SNRPN: variants seen among roughly 807,000 people sequenced by gnomAD.
SNRPN encodes small nuclear ribonucleoprotein-associated protein N.
Under a neutral mutation model 25.2 loss-of-function variants are expected in SNRPN, and 7 were observed. The observed-to-expected ratio is 0.28, with a 90% CI of 0.16 to 0.52. The LOEUF is 0.52. Ranked by LOEUF, SNRPN falls within the 20% of genes least tolerant of loss-of-function variation. The pLI is 0.96. For missense variants in SNRPN, 196 were observed against 322.5 expected, an observed-to-expected ratio of 0.61 and a Z score of 3.00; for synonymous variants, 124 against 110.6, an observed-to-expected ratio of 1.12 and a Z score of -0.76.
intron 2 of SNRPN, among the ~76,000 whole-genome samples, chr15:24,836,373 C>A (rs551968869): frequency 1.3e-5 from 2 of 152,120 alleles, no homozygotes; most frequent in East Asian, 3.9e-4. Flanking sequence ...GTGGCTGAGT[C>A]CTCATAACAA....
intron 3 of SNRPN, among the ~76,000 whole-genome samples, chr15:24,925,009 C>G (rs961705939): frequency 6.6e-6 from 1 of 152,108 alleles, no homozygotes; most frequent in African/African-American, 2.4e-5. Context: ...ATCTACTTAA[C>G]TCCAAATTCT....
rs796109989 is a variant in SNRPN at position 24,881,619 on chromosome 15, G to GA, written c.-578-4894dup. On this transcript the variant is annotated intron_variant, in intron 1 of 11. Coordinates refer to the SNRPN transcript ENST00000400097. ...AGAGAGAGAGAGAGAGAGAGAGAGAGAAAGTCACAGTAAGGCACCCTAGCA... is the reference window on the plus strand; with the variant it reads ...AGAGAGAGAGAGAGAGAGAGAGAGAGAAAAGTCACAGTAAGGCACCCTAGCA... Among the ~76,000 whole-genome samples, 260 of 48,066 alleles carry GA rather than the reference G, an allele frequency of 5.4e-3. 12 individuals are homozygous for GA. Among genetic ancestry groups the GA allele is most frequent in the African/African-American group, 0.014 (124 of 8,686 alleles). The allele number at this position is 48,066 out of a possible 152,430, so 31.5% of individuals were successfully genotyped here.
At chr15:24,881,008 C>T (rs2056530091) in intron 1 of SNRPN, among the ~76,000 whole-genome samples, 1 of 152,042 alleles carries the variant, frequency 6.6e-6, no homozygotes, top group South Asian at 2.1e-4. Context: ...ATTCGCTTTA[C>T]CTGTGTGACA....
At chr15:24,968,166 A>T in intron 3 of SNRPN, 84 bp downstream of exon 3, 4 of 833,286 alleles carry the variant, frequency 4.8e-6, no homozygotes, top group South Asian at 4.4e-5. Context: ...TCAGTGACAC[A>T]TTAATTTTTT....
At chr15:24,823,937 T>C (rs1225205167) in intron 1 of SNRPN, 1 of 152,182 alleles carries the variant, frequency 6.6e-6, no homozygotes, top group Non-Finnish European at 1.5e-5. Flanking sequence ...TCATATTTTG[T>C]ATTGTATATT....
Position 24,872,825 on chromosome 15 carries a change from G to A in SNRPN, c.-578-13691G>A, listed in dbSNP as rs565521945. Among the ~76,000 whole-genome samples the A allele has an allele frequency of 2.6e-4, 28 of 105,874 alleles. 6 individuals are homozygous for A. The highest frequency in any genetic ancestry group is 7.5e-4 in the African/African-American group (23 of 30,574). The allele number at this position is 105,874 out of a possible 152,430, so 69.5% of individuals were successfully genotyped here. A position where few individuals can be genotyped will look rare whatever the true frequency, so the allele number is the denominator to read the frequency against. ...AGCACTTTGTGAGGCTGAGGCGGGC[G>A]GATCACACTGCACTCCAGCCTGGGT... is the stretch of plus-strand genomic sequence containing the variant. On this transcript the variant is annotated intron_variant, in intron 1 of 11. Transcript: ENST00000400097.
Position 24,864,032 on chromosome 15 carries a change from A to T in SNRPN, c.-579+7316A>T, listed in dbSNP as rs573186807. ...ATTTATTTATTTTTATTTTATTATTATTTTTTTTTTTGGAGAGGGAGTCTC... is the reference window on the plus strand; with the variant it reads ...ATTTATTTATTTTTATTTTATTATTTTTTTTTTTTTTGGAGAGGGAGTCTC... On this transcript the variant is annotated intron_variant, in intron 1 of 11. Coordinates refer to the SNRPN transcript ENST00000400097. Among the ~76,000 whole-genome samples, 62 of 137,688 alleles carry T rather than the reference A, an allele frequency of 4.5e-4. 1 individual carries two copies. The highest frequency in any genetic ancestry group is 1.8e-3 in the South Asian group (8 of 4,500). The allele number at this position is 137,688 out of a possible 152,430, so 90.3% of individuals were successfully genotyped here.
chr15:24,962,038 A>G, intron 1 of SNRPN, 76 bp from the exon 2 acceptor site: 6 of 1,206,010 alleles, frequency 5.0e-6, no homozygotes, highest in South Asian at 2.4e-5. Flanking sequence ...ATGTAGTTCT[A>G]AATATAACCT....
At chr15:24,834,749 CTCTATA>C (rs1181195515) in intron 2 of SNRPN, among the ~76,000 whole-genome samples, 75 of 63,064 alleles carry the variant, frequency 1.2e-3, no homozygotes, top group African/African-American at 5.1e-3. Context: ...CTCTCTCTCT[CTCTATA>C]TATATATATA....
At chr15:24,921,949 A>G (rs559049287) in intron 3 of SNRPN, among the ~76,000 whole-genome samples, 1 of 151,268 alleles carries the variant, frequency 6.6e-6, no homozygotes. Context: ...CTGTAATCCC[A>G]GCACTTTGGG....
Position 24,967,967 on chromosome 15 carries a change from A to G in SNRPN, c.-259A>G, listed in dbSNP as rs775831235. 1 of 1,614,188 alleles carries G rather than the reference A, an allele frequency of 6.2e-7. No homozygotes were observed. Among genetic ancestry groups the G allele is most frequent in the South Asian group, 1.1e-5 (1 of 91,086 alleles). On this transcript the variant is annotated 5_prime_UTR_variant, in exon 3 of 10. Coordinates refer to ENST00000390687, the MANE Select transcript of SNRPN (RefSeq NM_003097.6). ...TACCCGAGGCGTTCTCAGCAGCAGC[A>G]AGTACCTGTGGTGGATTTCCAGGCT...
At position 24,880,752 on chromosome 15, in the gene SNRPN, C is replaced by CT. The variant is rs1042298361; in HGVS notation, c.-578-5755dup. 3.4e-4 allele frequency among the ~76,000 whole-genome samples: 51 copies of CT among 151,152 alleles called. No homozygotes were observed. In the East Asian group the frequency reaches 6.4e-3, roughly 19 times the overall value. On this transcript the variant is annotated intron_variant, in intron 1 of 11. Coordinates refer to the SNRPN transcript ENST00000400097. ...AAGTTCTTCATTTTAACACTTACGCCTTTTTTTTTGAGACAGAGTCTTGCT... is the reference window on the plus strand; with the variant it reads ...AAGTTCTTCATTTTAACACTTACGCCTTTTTTTTTTGAGACAGAGTCTTGCT...
chr15:24,864,216 G>C, intron 1 of SNRPN, among the ~76,000 whole-genome samples: 3 of 135,286 alleles, frequency 2.2e-5, no homozygotes, highest in South Asian at 4.5e-4. Flanking sequence ...TTTTAGTAGA[G>C]ACGGGGTTTC....
At chr15:24,894,304 T>C (rs979986713) in intron 2 of SNRPN, among the ~76,000 whole-genome samples, 12 of 151,906 alleles carry the variant, frequency 7.9e-5, no homozygotes, top group Admixed American at 1.3e-4. Context: ...CTGCAAGCTC[T>C]GCCTCCCAGG....
intron 2 of SNRPN, among the ~76,000 whole-genome samples, chr15:24,904,393 G>T (rs1274628396): frequency 6.6e-6 from 1 of 152,146 alleles, no homozygotes; most frequent in East Asian, 1.9e-4. Flanking sequence ...AGTGGCTAAC[G>T]CCTGTAATCC....
At chr15:24,921,436 A>G (rs986273075) in intron 3 of SNRPN, among the ~76,000 whole-genome samples, 1 of 152,196 alleles carries the variant, frequency 6.6e-6, no homozygotes, top group Non-Finnish European at 1.5e-5. Context: ...GTTCATATAA[A>G]GGAAGCCAAA....
At chr15:24,942,236 G>A (rs2061600037) in intron 3 of SNRPN, 1 of 152,146 alleles carries the variant, frequency 6.6e-6, no homozygotes, top group Non-Finnish European at 1.5e-5. Context: ...GGATATTTGT[G>A]GAGGGCTGCC....
At chr15:24,855,191 G>T (rs752766429), upstream of SNRPN, among the ~76,000 whole-genome samples, 12 of 152,116 alleles carry the variant, frequency 7.9e-5, no homozygotes, top group Non-Finnish European at 1.6e-4. Context: ...ACCTATAATT[G>T]ATGTGAATAA....
chr15:24,825,831 A>C (rs1045145608), intron 1 of SNRPN, among the ~76,000 whole-genome samples: 1 of 152,122 alleles, frequency 6.6e-6, no homozygotes, highest in African/African-American at 2.4e-5. Context: ...ATTTCTACTG[A>C]ATGTGTATTG....
Sources: gnomAD v4.1 joint callset for allele counts (sites outside exome capture counted in the v4.1 genomes callset) on GRCh38, gnomAD v4.1.1 for gene constraint, MANE v1.5 for transcripts, NCBI Gene and HGNC (gene_info 2026-07-23, HGNC 2026-07-21) for gene names.